DOCK3: variants seen among roughly 807,000 people sequenced by gnomAD.
DOCK3 encodes dedicator of cytokinesis 3.
DOCK3 carries 60 observed loss-of-function variants against 265.6 expected under a neutral mutation model. The observed-to-expected ratio is 0.23, with a 90% confidence interval of 0.18 to 0.28. The LOEUF (loss-of-function observed/expected upper bound fraction) is 0.28. DOCK3 is among the 10% of genes least tolerant of loss of function. The pLI is 1.00. For synonymous variants in DOCK3, 881 were observed against 938.0 expected, an observed-to-expected ratio of 0.94 and a Z score of 1.11; for missense variants, 1,981 against 2,594.3, an observed-to-expected ratio of 0.76 and a Z score of 5.14.
chr3:51,101,269 C>T lies in DOCK3; in HGVS notation c.746+10885C>T, dbSNP rs1489302468. ...CCGAGTAGCTGGGACTACAGGCGCC[C>T]GCCACCGCGCCCGGCTAATTTTTTG... On this transcript the variant is annotated intron_variant, in intron 9 of 52. Coordinates refer to ENST00000266037, the MANE Select transcript of DOCK3 (RefSeq NM_004947.5). 1.1e-4 allele frequency among the ~76,000 whole-genome samples: 16 copies of T among 152,016 alleles called. 2 individuals are homozygous for T. The highest frequency in any genetic ancestry group is 1.0e-3 in the South Asian group (5 of 4,806).
intron 51 of DOCK3, among the ~76,000 whole-genome samples, chr3:51,379,905 C>G (rs1282231811): frequency 6.6e-6 from 1 of 152,262 alleles, no homozygotes; most frequent in Non-Finnish European, 1.5e-5. Flanking sequence ...CTCTGAAGCA[C>G]TCAACTTCTC....
At chr3:50,705,574 C>G (rs13082564) in intron 1 of DOCK3, among the ~76,000 whole-genome samples, 14,344 of 152,098 alleles carry the variant, frequency 0.094, 825 homozygotes, top group Non-Finnish European at 0.12. Context: ...CACCACCAGG[C>G]CCAGCTAATT....
intron 5 of DOCK3, among the ~76,000 whole-genome samples, chr3:51,041,187 TATATATATATATATA>T (rs1559977651): frequency 8.2e-4 from 13 of 15,924 alleles, no homozygotes; most frequent in African/African-American, 1.7e-3. Context: ...TATATATATA[TATATATATATATATA>T]TATTTTTTTT....
chr3:50,882,944 A>T (rs2048126978), intron 3 of DOCK3, among the ~76,000 whole-genome samples: 1 of 152,234 alleles, frequency 6.6e-6, no homozygotes, highest in African/African-American at 2.4e-5. Context: ...GCCATGAAAA[A>T]GGATGAGTTC....
At chr3:50,994,928 CA>C (rs2078227195) in intron 5 of DOCK3, among the ~76,000 whole-genome samples, 2 of 152,086 alleles carry the variant, frequency 1.3e-5, no homozygotes, top group Admixed American at 1.3e-4. Context: ...GATGAGAACT[CA>C]GGTTTCTTAT....
intron 23 of DOCK3, among the ~76,000 whole-genome samples, chr3:51,264,829 A>AAAAATAAAT: frequency 7.0e-6 from 1 of 142,254 alleles, no homozygotes; most frequent in East Asian, 2.0e-4. Flanking sequence ...TCAGTCTCAA[A>AAAAATAAAT]AAATAAATAA....
chr3:50,821,907 A>G (rs371890949), intron 2 of DOCK3, among the ~76,000 whole-genome samples: 12 of 152,156 alleles, frequency 7.9e-5, no homozygotes, highest in African/African-American at 2.9e-4. Context: ...TGTTTTGATT[A>G]CTGTAGCCTA....
In DOCK3 at chr3:50,930,003, C is replaced by G. The variant is rs1021175648; in HGVS notation, c.219-3978C>G. ...TCATAGTGGAATTATCCACTTACTT[C>G]CAATGAGGAAGGCAAGGCTTTGAGA... On this transcript the variant is annotated intron_variant, in intron 4 of 52. Coordinates refer to ENST00000266037, the MANE Select transcript of DOCK3 (RefSeq NM_004947.5). 3.0e-4 allele frequency among the ~76,000 whole-genome samples: 46 copies of G among 152,280 alleles called. 1 individual carries two copies. Among genetic ancestry groups the G allele is most frequent in the African/African-American group, 1.1e-3 (44 of 41,570 alleles).
At chr3:50,915,041 C>G (rs1431683390) in intron 4 of DOCK3, among the ~76,000 whole-genome samples, 1 of 151,998 alleles carries the variant, frequency 6.6e-6, no homozygotes, top group Non-Finnish European at 1.5e-5. Context: ...ATATAGATTG[C>G]CCACACAGCC....
At chr3:50,820,968 T>G (rs1448260818) in intron 2 of DOCK3, among the ~76,000 whole-genome samples, 1 of 151,962 alleles carries the variant, frequency 6.6e-6, no homozygotes, top group Admixed American at 6.6e-5. Flanking sequence ...TGTCTGTTCA[T>G]GTCCTTTGGC....
intron 1 of DOCK3, among the ~76,000 whole-genome samples, chr3:50,705,308 T>C (rs2036335299): frequency 6.6e-6 from 1 of 152,298 alleles, no homozygotes; most frequent in African/African-American, 2.4e-5. Flanking sequence ...GAGGGACCTG[T>C]AATCCCCATG....
chr3:50,970,947 A>ATATAT (rs1559878895), intron 5 of DOCK3, among the ~76,000 whole-genome samples: 1 of 53,304 alleles, frequency 1.9e-5, no homozygotes, highest in Non-Finnish European at 3.3e-5. Flanking sequence ...ATATATATAT[A>ATATAT]ATGTGTGTGT....
chr3:51,321,604 C>G (rs934295039), intron 32 of DOCK3, among the ~76,000 whole-genome samples: 9 of 152,116 alleles, frequency 5.9e-5, no homozygotes, highest in African/African-American at 1.9e-4. Context: ...GAATTGCTAA[C>G]TGGAATAACC....
chr3:51,112,268 A>G (rs1468780558), intron 9 of DOCK3, among the ~76,000 whole-genome samples: 2 of 152,230 alleles, frequency 1.3e-5, no homozygotes, highest in East Asian at 1.9e-4. Flanking sequence ...GCATATGTTC[A>G]TTGTAGCACT....
intron 4 of DOCK3, among the ~76,000 whole-genome samples, chr3:50,922,282 C>T (rs575776456): frequency 6.6e-6 from 1 of 152,264 alleles, no homozygotes. Flanking sequence ...GGCCTCACTG[C>T]CTCCTTGCAG....
chr3:51,143,726 A>G (rs1300599473), intron 9 of DOCK3, among the ~76,000 whole-genome samples: 1 of 152,052 alleles, frequency 6.6e-6, no homozygotes, highest in Non-Finnish European at 1.5e-5. Flanking sequence ...GTATGTTCTC[A>G]ATCCAATTTT....
chr3:50,756,650 C>T lies in DOCK3; in HGVS notation c.38-22025C>T, dbSNP rs149572800. 2.0e-5 allele frequency among the ~76,000 whole-genome samples: 3 copies of T among 152,240 alleles called. No individual in the cohort carries two copies. In the East Asian group the frequency reaches 5.8e-4, roughly 29 times the overall value. On this transcript the variant is annotated intron_variant, in intron 1 of 52. Transcript: ENST00000266037. Reference sequence around the variant, plus strand: ...TTTTGAGTAACCAAGCTATTTTTCACAGGAGCTGCACCATTTTGCATTTTC... The same window carrying T: ...TTTTGAGTAACCAAGCTATTTTTCATAGGAGCTGCACCATTTTGCATTTTC...
intron 12 of DOCK3, among the ~76,000 whole-genome samples, chr3:51,181,093 A>G (rs990797178): frequency 1.3e-5 from 2 of 152,190 alleles, no homozygotes; most frequent in African/African-American, 4.8e-5. Context: ...ATTTTAATTG[A>G]CTATTAAAGT....
chr3:50,885,098 C>A (rs1046059270), intron 3 of DOCK3, among the ~76,000 whole-genome samples: 3 of 152,154 alleles, frequency 2.0e-5, no homozygotes, highest in Non-Finnish European at 1.5e-5. Context: ...TTTACTGTCT[C>A]TATGGTTTTG....
Sources: allele counts gnomAD v4.1 joint callset (sites outside exome capture counted in the v4.1 genomes callset), GRCh38; gene constraint gnomAD v4.1.1; transcripts MANE v1.5; gene names NCBI Gene and HGNC (gene_info 2026-07-23, HGNC 2026-07-21).